ANKS1B: variants seen among roughly 807,000 people sequenced by gnomAD.
ANKS1B encodes the protein ankyrin repeat and sterile alpha motif domain containing 1B.
A neutral mutation model predicts 148.3 loss-of-function variants in ANKS1B; 36 were observed. The ratio of observed to expected loss-of-function variants is 0.24; its 90% CI spans 0.19 to 0.32. The LOEUF is 0.32. Ranked by LOEUF, ANKS1B falls within the 10% of genes least tolerant of loss-of-function variation. ANKS1B has a pLI of 1.00. For missense variants in ANKS1B, 1,157 were observed against 1,542.6 expected (o/e 0.75, Z 4.19); for synonymous variants, 542 against 560.8 (o/e 0.97, Z 0.47).
intron 8 of ANKS1B, among the ~76,000 whole-genome samples, chr12:99,723,320 C>A (rs2058286810): frequency 6.6e-6 from 1 of 152,174 alleles, no homozygotes; most frequent in Admixed American, 6.5e-5. Flanking sequence ...CCTGCTGGAG[C>A]CAGGAAGGCT....
At chr12:99,290,521 C>T (rs1185497451) in intron 12 of ANKS1B, among the ~76,000 whole-genome samples, 1 of 151,880 alleles carries the variant, frequency 6.6e-6, no homozygotes, top group Non-Finnish European at 1.5e-5. Flanking sequence ...CAAAAATCCT[C>T]AACAAAATAA....
At chr12:98,947,023 G>A (rs1374312114) in intron 17 of ANKS1B, among the ~76,000 whole-genome samples, 1 of 148,724 alleles carries the variant, frequency 6.7e-6, no homozygotes. Flanking sequence ...TTGGAGAAGA[G>A]TTTTCTAGGC....
At chr12:99,084,799 A>C (rs1275827595) in intron 16 of ANKS1B, 126 bp downstream of exon 16, 2 of 673,724 alleles carry the variant, frequency 3.0e-6, no homozygotes, top group Admixed American at 6.0e-5. Flanking sequence ...GGACCTAAGA[A>C]GATCTGCTCT....
chr12:99,559,072 G>A (rs377153943), intron 9 of ANKS1B, among the ~76,000 whole-genome samples: 32 of 152,180 alleles, frequency 2.1e-4, no homozygotes, highest in African/African-American at 3.4e-4. Context: ...CCTGCGCACC[G>A]TTCCCAGCTT....
At chr12:99,238,280 G>A (rs1043218211) in intron 14 of ANKS1B, among the ~76,000 whole-genome samples, 8 of 152,206 alleles carry the variant, frequency 5.3e-5, no homozygotes, top group African/African-American at 9.6e-5. Context: ...CCACACCCAC[G>A]GATCCTTGCT....
chr12:98,966,584 A>G (rs1029076988), intron 17 of ANKS1B, among the ~76,000 whole-genome samples: 1 of 152,206 alleles, frequency 6.6e-6, no homozygotes, highest in Non-Finnish European at 1.5e-5. Context: ...ATGCTGCTAT[A>G]AAGACACATG....
chr12:99,466,324 C>T lies in ANKS1B; in HGVS notation c.1439-22515G>A, dbSNP rs1002418285. 1.4e-4 allele frequency among the ~76,000 whole-genome samples: 22 copies of T among 152,156 alleles called. 1 individual carries two copies. Among genetic ancestry groups the T allele is most frequent in the Middle Eastern group, 3.4e-3 (1 of 294 alleles). On this transcript the variant is annotated intron_variant, in intron 10 of 26. Coordinates refer to ENST00000683438, the MANE Select transcript of ANKS1B (RefSeq NM_001352186.2). ...GGAAATTTATAGCACTAAATGCTCA[C>T]GAGAGAAAGCAGGAAAGATCCAAAA...
chr12:99,352,473 C>A (rs1255200017), intron 12 of ANKS1B, among the ~76,000 whole-genome samples: 2 of 151,956 alleles, frequency 1.3e-5, no homozygotes, highest in Non-Finnish European at 2.9e-5. Flanking sequence ...TCAAAAAAAA[C>A]CACACTGACT....
chr12:99,584,492 G>A (rs1018183310), intron 9 of ANKS1B, among the ~76,000 whole-genome samples: 2 of 152,030 alleles, frequency 1.3e-5, no homozygotes, highest in Non-Finnish European at 2.9e-5. Flanking sequence ...CCAACTACTG[G>A]GAGGCTGAGT....
At chr12:98,984,463 T>G (rs1189193391) in intron 17 of ANKS1B, among the ~76,000 whole-genome samples, 1 of 152,198 alleles carries the variant, frequency 6.6e-6, no homozygotes, top group Admixed American at 6.5e-5. Flanking sequence ...CAATTTACTA[T>G]AAGCAACAAG....
chr12:99,248,095 ATTATTAATAATAATTATGATT>A (rs1016283648), intron 12 of ANKS1B, among the ~76,000 whole-genome samples: 2 of 152,180 alleles, frequency 1.3e-5, no homozygotes, highest in Non-Finnish European at 2.9e-5. Flanking sequence ...CTATGAAGTG[ATTATTAATAATAATTATGATT>A]TTGTGATGGA....
intron 17 of ANKS1B, among the ~76,000 whole-genome samples, chr12:98,836,742 G>T (rs182386061): frequency 1.2e-4 from 19 of 152,168 alleles, no homozygotes; most frequent in Admixed American, 7.2e-4. Context: ...TTACTGTTTG[G>T]GTTAAAGTTA....
chr12:99,850,106 A>G (rs532851040), intron 1 of ANKS1B, among the ~76,000 whole-genome samples: 10 of 152,298 alleles, frequency 6.6e-5, no homozygotes, highest in African/African-American at 1.7e-4. Flanking sequence ...ATTAGATAAC[A>G]GTGGTAACAG....
intron 1 of ANKS1B, among the ~76,000 whole-genome samples, chr12:99,942,446 G>A (rs186364200): frequency 6.6e-6 from 1 of 152,230 alleles, no homozygotes; most frequent in East Asian, 1.9e-4. Context: ...GAGATAGCTG[G>A]AACAAACTGC....
intron 9 of ANKS1B, among the ~76,000 whole-genome samples, chr12:99,518,890 T>G (rs1210897879): frequency 6.6e-6 from 1 of 152,130 alleles, no homozygotes; most frequent in Non-Finnish European, 1.5e-5. Context: ...AGTACTGCTT[T>G]CACTATATCC....
intron 24 of ANKS1B, among the ~76,000 whole-genome samples, 164 bp from the exon 25 acceptor site, chr12:98,773,343 C>T (rs1401773670): frequency 6.6e-6 from 1 of 152,080 alleles, no homozygotes; most frequent in African/African-American, 2.4e-5. Context: ...AAATGAATAC[C>T]AGATATGGAA....
chr12:98,985,854 A>G (rs2099923012), intron 17 of ANKS1B, among the ~76,000 whole-genome samples: 1 of 151,996 alleles, frequency 6.6e-6, no homozygotes, highest in Admixed American at 6.6e-5. Flanking sequence ...GTAAATCCCA[A>G]TTTCTATGTA....
At chr12:99,516,490 G>A (rs1285036427) in intron 9 of ANKS1B, among the ~76,000 whole-genome samples, 3 of 152,058 alleles carry the variant, frequency 2.0e-5, no homozygotes, top group African/African-American at 7.2e-5. Context: ...AACACAGGAA[G>A]AGAAAACCAA....
At chr12:99,046,222 C>T (rs2099962246) in intron 17 of ANKS1B, among the ~76,000 whole-genome samples, 1 of 151,896 alleles carries the variant, frequency 6.6e-6, no homozygotes, top group South Asian at 2.1e-4. Flanking sequence ...AAAGACTATT[C>T]AAAGAATTTT....
Sources: gnomAD v4.1 joint callset for allele counts (sites outside exome capture counted in the v4.1 genomes callset) on GRCh38, gnomAD v4.1.1 for gene constraint, MANE v1.5 for transcripts, NCBI Gene and HGNC (gene_info 2026-07-23, HGNC 2026-07-21) for gene names.